Variants in EYS observed in about 807,000 individuals in gnomAD.
EYS encodes protein eyes shut homolog.
A neutral mutation model predicts 282.1 loss-of-function variants in EYS; 250 were observed. The observed-to-expected ratio is 0.89, with a 90% CI of 0.80 to 0.98. EYS has a LOEUF of 0.98. Among genes scored for constraint, EYS ranks in the 50% least tolerant of loss-of-function variants. The pLI is 0.00. For synonymous variants in EYS, 1,355 were observed against 1,282.9 expected (o/e 1.06, Z -1.20); for missense variants, 4,016 against 3,709.0 (o/e 1.08, Z -2.15).
intron 19 of EYS, among the ~76,000 whole-genome samples, chr6:64,884,481 C>T (rs1767023112): frequency 6.6e-6 from 1 of 151,052 alleles, no homozygotes; most frequent in Non-Finnish European, 1.5e-5. Flanking sequence ...TTAAGTAAAA[C>T]CTTGCAGTGT....
intron 26 of EYS, among the ~76,000 whole-genome samples, chr6:64,569,051 A>G (rs933086693): frequency 6.6e-6 from 1 of 151,196 alleles, no homozygotes; most frequent in African/African-American, 2.4e-5. Context: ...AAAACAGCAA[A>G]AAAAGGCTGA....
chr6:64,692,850 A>G (rs1770436057), intron 22 of EYS, among the ~76,000 whole-genome samples: 2 of 151,696 alleles, frequency 1.3e-5, no homozygotes, highest in South Asian at 4.2e-4. Flanking sequence ...ATTGATCTAT[A>G]TGTCCGTTTT....
intron 33 of EYS, among the ~76,000 whole-genome samples, chr6:64,019,925 A>G (rs1462679789): frequency 6.7e-6 from 1 of 148,858 alleles, no homozygotes; most frequent in Non-Finnish European, 1.5e-5. Context: ...AGATAATCTG[A>G]ATGCTTTGGG....
intron 2 of EYS, among the ~76,000 whole-genome samples, chr6:65,544,038 GAGAGACAA>G (rs1282837476): frequency 3.3e-5 from 5 of 150,670 alleles, no homozygotes; most frequent in African/African-American, 1.2e-4. Context: ...GTGAGAGAGA[GAGAGACAA>G]AGACAGAGAG....
At chr6:65,123,308 G>A (rs62407206) in intron 12 of EYS, among the ~76,000 whole-genome samples, 34,816 of 152,008 alleles carry the variant, frequency 0.23, 4,559 homozygotes, top group African/African-American at 0.35. Flanking sequence ...CTGTAATACA[G>A]TTATGTTTTA....
intron 16 of EYS, among the ~76,000 whole-genome samples, chr6:64,903,221 T>C (rs1002591587): frequency 3.3e-5 from 5 of 152,184 alleles, no homozygotes; most frequent in Admixed American, 6.5e-5. Context: ...ACCATTTTTC[T>C]TGTTAATATT....
chr6:64,740,720 T>C (rs2149960712), intron 22 of EYS, among the ~76,000 whole-genome samples: 1 of 151,444 alleles, frequency 6.6e-6, no homozygotes, highest in South Asian at 2.1e-4. Context: ...GTCCACTTTT[T>C]TTTTTTTTTT....
chr6:64,546,966 A>C (rs1378907546), intron 26 of EYS, among the ~76,000 whole-genome samples: 1 of 152,192 alleles, frequency 6.6e-6, no homozygotes, highest in East Asian at 1.9e-4. Flanking sequence ...ACTGACTTCA[A>C]GAATGAAGCC....
intron 33 of EYS, among the ~76,000 whole-genome samples, chr6:64,039,766 C>A (rs1562168806): frequency 6.6e-6 from 1 of 152,140 alleles, no homozygotes; most frequent in Non-Finnish European, 1.5e-5. Flanking sequence ...AGTTAGAAAG[C>A]TACACATTTT....
chr6:64,341,958 T>C (rs1771131391), intron 29 of EYS, among the ~76,000 whole-genome samples: 2 of 151,574 alleles, frequency 1.3e-5, no homozygotes, highest in South Asian at 4.1e-4. Flanking sequence ...GTTTTTGATA[T>C]TTAACAACAA....
At chr6:65,185,043 A>AT (rs1223468676) in intron 12 of EYS, among the ~76,000 whole-genome samples, 7 of 151,570 alleles carry the variant, frequency 4.6e-5, no homozygotes, top group South Asian at 2.1e-4. Flanking sequence ...GAAAGAAAAA[A>AT]AAAACTATAT....
At chr6:64,344,369 G>A (rs1485603424) in intron 29 of EYS, among the ~76,000 whole-genome samples, 3 of 151,626 alleles carry the variant, frequency 2.0e-5, no homozygotes, top group Non-Finnish European at 4.4e-5. Context: ...ATGATCAAGT[G>A]GGCTTCATCC....
chr6:63,959,654 C>T (rs1582034394), intron 35 of EYS, among the ~76,000 whole-genome samples: 1 of 152,308 alleles, frequency 6.6e-6, no homozygotes, highest in East Asian at 1.9e-4. Flanking sequence ...AAACGTGGTA[C>T]ATATACACCA....
intron 12 of EYS, among the ~76,000 whole-genome samples, chr6:65,098,605 T>C (rs1057347325): frequency 6.6e-6 from 1 of 150,812 alleles, no homozygotes; most frequent in Non-Finnish European, 1.5e-5. Flanking sequence ...ATGCCAGTTT[T>C]GACAAGTTAT....
At chr6:65,042,408 G>T (rs1458060702) in intron 13 of EYS, among the ~76,000 whole-genome samples, 2 of 150,714 alleles carry the variant, frequency 1.3e-5, no homozygotes, top group Non-Finnish European at 3.0e-5. Context: ...TTTGTAATTT[G>T]GCCTATTGTT....
chr6:63,809,959 T>A (rs1770998586), intron 36 of EYS, among the ~76,000 whole-genome samples: 1 of 151,548 alleles, frequency 6.6e-6, no homozygotes, highest in Non-Finnish European at 1.5e-5. Context: ...TATTTTGCTG[T>A]GGCCGGGCAC....
At chr6:65,085,712 A>G (rs1207586971) in intron 12 of EYS, among the ~76,000 whole-genome samples, 1 of 152,168 alleles carries the variant, frequency 6.6e-6, no homozygotes, top group Non-Finnish European at 1.5e-5. Context: ...CTCAAAGTTC[A>G]AGGCTTTCCA....
intron 35 of EYS, among the ~76,000 whole-genome samples, chr6:63,963,354 GA>G (rs1465650238): frequency 6.6e-6 from 1 of 151,648 alleles, no homozygotes; most frequent in African/African-American, 2.4e-5. Context: ...CTTTATAAAA[GA>G]AAATTAAAAA....
chr6:65,456,151 A>G (rs538556671), intron 5 of EYS, among the ~76,000 whole-genome samples: 5 of 152,072 alleles, frequency 3.3e-5, no homozygotes, highest in African/African-American at 9.6e-5. Flanking sequence ...ATTCAATCCC[A>G]CAGTACACTA....
Sources: allele counts gnomAD v4.1 joint callset (sites outside exome capture counted in the v4.1 genomes callset), GRCh38; gene constraint gnomAD v4.1.1; transcripts MANE v1.5; gene names NCBI Gene and HGNC (gene_info 2026-07-23, HGNC 2026-07-21).